Variants in ERC2 observed in about 807,000 individuals in gnomAD.
ERC2 encodes the protein ERC protein 2.
Under a neutral mutation model 114.8 loss-of-function variants are expected in ERC2, and 42 were observed. The ratio of observed to expected loss-of-function variants is 0.37; its 90% CI spans 0.29 to 0.47. The LOEUF (loss-of-function observed/expected upper bound fraction) is 0.47. ERC2 is among the 20% of genes least tolerant of loss of function. ERC2 has a pLI of 0.99. For missense variants in ERC2, 939 were observed against 1,150.7 expected, an observed-to-expected ratio of 0.82 and a Z score of 2.66; for synonymous variants, 454 against 425.5, an observed-to-expected ratio of 1.07 and a Z score of -0.82.
chr3:56,428,719 CATATTA>C (rs1178525443), intron 2 of ERC2, among the ~76,000 whole-genome samples: 7 of 152,172 alleles, frequency 4.6e-5, no homozygotes, highest in Non-Finnish European at 1.0e-4. Context: ...ATCAAAAACT[CATATTA>C]ATATTGATTT....
chr3:55,511,810 C>T (rs1173036656), intron 17 of ERC2, among the ~76,000 whole-genome samples: 1 of 152,184 alleles, frequency 6.6e-6, no homozygotes, highest in Non-Finnish European at 1.5e-5. Flanking sequence ...GAACAGGTAT[C>T]CAGAAGCACC....
intron 2 of ERC2, among the ~76,000 whole-genome samples, chr3:56,311,251 CTCTCTA>C (rs1304129224): frequency 1.6e-4 from 7 of 42,786 alleles, no homozygotes; most frequent in East Asian, 1.2e-3. Context: ...CTCTCTCTCT[CTCTCTA>C]TATATATATA....
At chr3:55,968,008 G>A (rs1191926592) in intron 12 of ERC2, among the ~76,000 whole-genome samples, 1 of 151,992 alleles carries the variant, frequency 6.6e-6, no homozygotes, top group Non-Finnish European at 1.5e-5. Flanking sequence ...CCCAGTCTGT[G>A]GTATATATAG....
chr3:55,677,687 T>A (rs2061876408), intron 17 of ERC2, among the ~76,000 whole-genome samples: 1 of 152,120 alleles, frequency 6.6e-6, no homozygotes, highest in South Asian at 2.1e-4. Context: ...ACCACACTGT[T>A]AGCCACCCCA....
chr3:56,446,625 C>CTTTTTTTTTTTTT (rs1318263302), intron 1 of ERC2, among the ~76,000 whole-genome samples: 2 of 112,360 alleles, frequency 1.8e-5, no homozygotes, highest in Non-Finnish European at 3.5e-5. Context: ...TTTTTTTTTT[C>CTTTTTTTTTTTTT]TTTCTTTTTT....
intron 4 of ERC2, among the ~76,000 whole-genome samples, chr3:56,172,970 T>A (rs1254203708): frequency 6.6e-6 from 1 of 152,140 alleles, no homozygotes; most frequent in Non-Finnish European, 1.5e-5. Context: ...TAGGAGAAAA[T>A]ACTGGGGTCA....
intron 2 of ERC2, among the ~76,000 whole-genome samples, chr3:56,370,076 G>A (rs113925684): frequency 0.028 from 4,233 of 152,238 alleles, 64 homozygotes; most frequent in South Asian, 0.071. Context: ...TCCAGGCACA[G>A]GGACTGTAAG....
chr3:56,147,994 C>G (rs1240157837), intron 5 of ERC2, among the ~76,000 whole-genome samples: 1 of 152,054 alleles, frequency 6.6e-6, no homozygotes, highest in African/African-American at 2.4e-5. Context: ...GCAGGTTACT[C>G]TAGAATATTT....
intron 13 of ERC2, among the ~76,000 whole-genome samples, chr3:55,900,186 C>A (rs561823339): frequency 4.6e-5 from 7 of 152,284 alleles, no homozygotes; most frequent in South Asian, 2.1e-4. Flanking sequence ...CTCCACCCTG[C>A]CCCACAATGC....
intron 4 of ERC2, 34 bp downstream of exon 4, chr3:56,173,412 A>G: frequency 1.9e-6 from 3 of 1,599,372 alleles, no homozygotes. Context: ...CTCCCAAGGC[A>G]TAACTGTTTC....
intron 2 of ERC2, among the ~76,000 whole-genome samples, chr3:56,400,318 C>T (rs760883700): frequency 6.6e-6 from 1 of 151,904 alleles, no homozygotes; most frequent in Non-Finnish European, 1.5e-5. Context: ...GTTATGGGGG[C>T]TGAGGGGGTC....
chr3:56,109,721 T>A (rs1309244814), intron 6 of ERC2, among the ~76,000 whole-genome samples: 1 of 152,156 alleles, frequency 6.6e-6, no homozygotes, highest in African/African-American at 2.4e-5. Context: ...AACTGCAGTG[T>A]TGAAATTGCT....
intron 6 of ERC2, among the ~76,000 whole-genome samples, chr3:56,130,032 T>A (rs2080111078): frequency 6.6e-6 from 1 of 152,250 alleles, no homozygotes; most frequent in South Asian, 2.1e-4. Flanking sequence ...AAAGGATTTT[T>A]GTTGGAACAC....
chr3:56,325,338 T>C (rs2057312357), intron 2 of ERC2, among the ~76,000 whole-genome samples: 1 of 151,706 alleles, frequency 6.6e-6, no homozygotes, highest in East Asian at 2.0e-4. Context: ...CCCAGCTACT[T>C]GGGAGGCTGA....
intron 15 of ERC2, among the ~76,000 whole-genome samples, chr3:55,725,558 T>A (rs1300846478): frequency 1.3e-5 from 2 of 152,214 alleles, no homozygotes; most frequent in African/African-American, 2.4e-5. Flanking sequence ...TGAGCTAGTA[T>A]CTATGATACT....
At chr3:55,887,562 A>G (rs1457333146) in intron 14 of ERC2, among the ~76,000 whole-genome samples, 1 of 152,212 alleles carries the variant, frequency 6.6e-6, no homozygotes, top group Non-Finnish European at 1.5e-5. Flanking sequence ...TCATTTAAAA[A>G]CATAGAGACG....
rs539551689 is a variant in ERC2, at chr3:56,026,743, AC to A, written c.1642-7713del. On this transcript the variant is annotated intron_variant, in intron 7 of 17. Coordinates refer to ENST00000288221, the MANE Select transcript of ERC2 (RefSeq NM_015576.3). ...AGAATAATTATAGTAAAATACTATA[AC>A]CAGGGAATTGACATTGATACAACCC... Among the ~76,000 whole-genome samples, 738 of 152,336 alleles carry A rather than the reference AC, an allele frequency of 4.8e-3. 2 individuals carry two copies. Among genetic ancestry groups the A allele is most frequent in the Middle Eastern group, 0.01 (3 of 294 alleles).
chr3:56,309,661 G>A (rs115286999), intron 2 of ERC2, among the ~76,000 whole-genome samples: 3,354 of 152,260 alleles, frequency 0.022, 42 homozygotes, highest in South Asian at 0.07. Context: ...CTACTCATCC[G>A]TAAACAGGAA....
intron 3 of ERC2, among the ~76,000 whole-genome samples, chr3:56,211,934 C>A (rs770799622): frequency 1.3e-5 from 2 of 152,084 alleles, no homozygotes; most frequent in Non-Finnish European, 2.9e-5. Flanking sequence ...CATCTCTCAC[C>A]TTATACAAAA....
Sources: allele counts gnomAD v4.1 joint callset (sites outside exome capture counted in the v4.1 genomes callset), GRCh38; gene constraint gnomAD v4.1.1; transcripts MANE v1.5; gene names NCBI Gene and HGNC (gene_info 2026-07-23, HGNC 2026-07-21).